The following DPYD variants were observed in gnomAD, a reference collection of about 807,000 sequenced individuals.
DPYD encodes the protein dihydropyrimidine dehydrogenase, also known as dihydropyrimidine dehydrogenase [NADP(+)].
A neutral mutation model predicts 116.2 loss-of-function variants in DPYD; 109 were observed. The ratio of observed to expected loss-of-function variants is 0.94; its 90% CI spans 0.80 to 1.10. The LOEUF (loss-of-function observed/expected upper bound fraction) is 1.10, where lower values mean the gene tolerates loss of function less well. DPYD is among the 50% of genes least tolerant of loss of function. The pLI is 0.00. For missense variants in DPYD, 1,302 were observed against 1,254.5 expected (o/e 1.04, Z -0.57); for synonymous variants, 440 against 432.0 (o/e 1.02, Z -0.23).
intron 10 of DPYD, among the ~76,000 whole-genome samples, chr1:97,576,445 T>G (rs1653266702): frequency 2.0e-5 from 3 of 152,200 alleles, no homozygotes. Flanking sequence ...TGCTATCTAT[T>G]AATACCTCTA....
intron 14 of DPYD, among the ~76,000 whole-genome samples, chr1:97,427,065 T>A (rs571598635): frequency 6.6e-6 from 1 of 152,136 alleles, no homozygotes; most frequent in Non-Finnish European, 1.5e-5. Context: ...TATGAACCTA[T>A]AGTATTTCTT....
chr1:97,748,932 T>C (rs979845461), intron 3 of DPYD, among the ~76,000 whole-genome samples: 16 of 152,216 alleles, frequency 1.1e-4, no homozygotes, highest in South Asian at 2.1e-4. Flanking sequence ...CTTCTACTTT[T>C]GAAAATGGCT....
chr1:97,376,887 G>GTGTGTGTATATATATATATATA, intron 15 of DPYD, among the ~76,000 whole-genome samples: 3 of 128,410 alleles, frequency 2.3e-5, no homozygotes, highest in African/African-American at 8.6e-5. Flanking sequence ...GTGTGTGTGT[G>GTGTGTGTATATATATATATATA]TATATATATA....
In DPYD at chr1:97,639,717, T is replaced by C. The variant is rs528819940; in HGVS notation, c.850+39378A>G. 2.0e-5 allele frequency among the ~76,000 whole-genome samples: 3 copies of C among 152,274 alleles called. No homozygotes were observed. The South Asian group carries it at 6.2e-4, about 32-fold the overall frequency. On this transcript the variant is annotated intron_variant, in intron 8 of 22. Transcript: ENST00000370192. ...GTGTGTGTATGTGAACTTAATTTCA[T>C]ATAATTGGTAGGTAAACAAAGAAAT...
intron 16 of DPYD, among the ~76,000 whole-genome samples, chr1:97,316,505 C>T (rs1667851065): frequency 1.0e-5 from 1 of 100,086 alleles, no homozygotes; most frequent in South Asian, 4.1e-4. Context: ...CAGAGCAAGA[C>T]TCTGTCTCAA....
At chr1:97,498,776 C>A (rs1679412942) in intron 13 of DPYD, among the ~76,000 whole-genome samples, 1 of 151,522 alleles carries the variant, frequency 6.6e-6, no homozygotes, top group Non-Finnish European at 1.5e-5. Context: ...CAAACATATC[C>A]ATCACCTCAA....
intron 19 of DPYD, among the ~76,000 whole-genome samples, chr1:97,206,569 T>C (rs1373012546): frequency 1.4e-5 from 2 of 146,322 alleles, no homozygotes; most frequent in Non-Finnish European, 3.0e-5. Flanking sequence ...GTAACCACAG[T>C]GCAGTCCTGC....
intron 4 of DPYD, among the ~76,000 whole-genome samples, chr1:97,722,721 CTGA>C (rs886187388): frequency 5.3e-5 from 8 of 151,528 alleles, no homozygotes; most frequent in Admixed American, 1.3e-4. Context: ...TTACAGAATA[CTGA>C]TGATAACAAA....
At chr1:97,626,164 G>A (rs114360246) in intron 8 of DPYD, among the ~76,000 whole-genome samples, 2,658 of 151,924 alleles carry the variant, frequency 0.017, 41 homozygotes, top group Non-Finnish European at 0.026. Flanking sequence ...GAATAAACTC[G>A]TATTTCCCAC....
At chr1:97,545,321 T>C in intron 12 of DPYD, among the ~76,000 whole-genome samples, 1 of 152,158 alleles carries the variant, frequency 6.6e-6, no homozygotes, top group East Asian at 1.9e-4. Flanking sequence ...TAAATGTCAG[T>C]TTCCTTTGTT....
At chr1:97,234,513 T>G (rs543606600) in intron 19 of DPYD, among the ~76,000 whole-genome samples, 1 of 152,224 alleles carries the variant, frequency 6.6e-6, no homozygotes, top group African/African-American at 2.4e-5. Flanking sequence ...ATTTTGTTTT[T>G]CAATTGAGAT....
intron 8 of DPYD, among the ~76,000 whole-genome samples, chr1:97,626,478 T>C (rs906509861): frequency 1.3e-5 from 2 of 151,996 alleles, no homozygotes; most frequent in South Asian, 2.1e-4. Context: ...TAAAAAAACA[T>C]ACAATGACTT....
chr1:97,706,973 G>T (rs889644570), intron 5 of DPYD, among the ~76,000 whole-genome samples: 7 of 152,012 alleles, frequency 4.6e-5, no homozygotes, highest in African/African-American at 1.7e-4. Flanking sequence ...GAAGAATAAA[G>T]TTCCTATTTC....
Position 97,874,677 on chromosome 1 carries a change from ATATACCTATGTTTT to A in DPYD, c.150+8573_150+8586del, listed in dbSNP as rs1478222630. 6.6e-5 allele frequency among the ~76,000 whole-genome samples: 10 copies of A among 152,038 alleles called. No homozygotes were observed. In the East Asian group the frequency reaches 1.9e-3, roughly 30 times the overall value. On this transcript the variant is annotated intron_variant, in intron 2 of 22. Transcript: ENST00000370192. ...CTTGCAGTTACTAGGACTATTGTTC[ATATACCTATGTTTT>A]TATTTTCAAAGAGTTTCCTTTTCAT... is the stretch of plus-strand genomic sequence containing the variant.
At chr1:97,553,395 G>C (rs1441543493) in intron 11 of DPYD, among the ~76,000 whole-genome samples, 1 of 151,786 alleles carries the variant, frequency 6.6e-6, no homozygotes, top group Admixed American at 6.6e-5. Context: ...TTATTTAGTT[G>C]CTCCTTATGA....
chr1:97,430,462 G>A (rs573387729), intron 14 of DPYD, among the ~76,000 whole-genome samples: 49 of 152,164 alleles, frequency 3.2e-4, no homozygotes, highest in African/African-American at 1.1e-3. Flanking sequence ...TATGGCATAT[G>A]TCCTTTATTT....
intron 12 of DPYD, among the ~76,000 whole-genome samples, chr1:97,525,019 T>C (rs2811174): frequency 0.62 from 94,693 of 152,030 alleles, 29,661 homozygotes; most frequent in East Asian, 0.75. Flanking sequence ...CAATCATTTG[T>C]GCCTTTTCTT....
intron 21 of DPYD, among the ~76,000 whole-genome samples, chr1:97,085,499 T>A (rs79920791): frequency 0.14 from 21,504 of 152,232 alleles, 1,669 homozygotes; most frequent in Non-Finnish European, 0.17. Flanking sequence ...TTAAGTACAA[T>A]TTTTTAAGAA....
chr1:97,667,939 G>A (rs541649453), intron 8 of DPYD, among the ~76,000 whole-genome samples: 5 of 152,218 alleles, frequency 3.3e-5, no homozygotes, highest in African/African-American at 1.2e-4. Flanking sequence ...ATTATGCTAA[G>A]TGAAATAAGC....
Sources: allele counts gnomAD v4.1 joint callset (sites outside exome capture counted in the v4.1 genomes callset), GRCh38; gene constraint gnomAD v4.1.1; transcripts MANE v1.5; gene names NCBI Gene and HGNC (gene_info 2026-07-23, HGNC 2026-07-21).